The following PLCH1 variants were observed in gnomAD, a reference collection of about 807,000 sequenced individuals.
The protein encoded by PLCH1 is 1-phosphatidylinositol 4,5-bisphosphate phosphodiesterase eta-1.
A neutral mutation model predicts 126.7 loss-of-function variants in PLCH1; 60 were observed. That is an observed-to-expected ratio of 0.47 (90% confidence interval 0.38 to 0.59). The LOEUF is 0.59. Among genes scored for constraint, PLCH1 ranks in the 20% least tolerant of loss-of-function variants. The pLI, the probability that PLCH1 is intolerant of heterozygous loss-of-function variation, is 0.00. For synonymous variants in PLCH1, 719 were observed against 734.9 expected, an observed-to-expected ratio of 0.98 and a Z score of 0.35; for missense variants, 1,723 against 2,040.0, an observed-to-expected ratio of 0.84 and a Z score of 2.99.
At chr3:155,655,554 G>C (rs1741261500) in intron 2 of PLCH1, among the ~76,000 whole-genome samples, 1 of 152,174 alleles carries the variant, frequency 6.6e-6, no homozygotes, top group Non-Finnish European at 1.5e-5. Flanking sequence ...AACAGCAGCT[G>C]CCTGAATCCA....
At chr3:155,522,966 G>C (rs1224600459) in intron 11 of PLCH1, among the ~76,000 whole-genome samples, 4 of 149,776 alleles carry the variant, frequency 2.7e-5, no homozygotes, top group Admixed American at 6.6e-5. Flanking sequence ...TTTTTTGCGG[G>C]GGGGGTGGGG....
At chr3:155,546,151 C>A (rs1279308095) in intron 10 of PLCH1, among the ~76,000 whole-genome samples, 1 of 152,114 alleles carries the variant, frequency 6.6e-6, no homozygotes, top group Non-Finnish European at 1.5e-5. Context: ...ATTGTCTCAG[C>A]CCAAAATCTC....
Position 155,482,327 on chromosome 3 carries a change from A to C in PLCH1, c.3699T>G (p.Gly1233=). Residue 1233 remains glycine (G), a synonymous_variant, in exon 23 of 23, where the codon GGT becomes GGG. Coordinates refer to ENST00000460012, the MANE Select transcript of PLCH1 (RefSeq NM_014996.4). The part of the protein sequence containing the change: ...SLGLKMPIKH[G]FCKGKSKSSF... ...AAGACTTGGATTTTCCCTTGCAAAAACCATGCTTGATGGGCATTTTTAGGC... is the reference window on the plus strand; with the variant it reads ...AAGACTTGGATTTTCCCTTGCAAAACCCATGCTTGATGGGCATTTTTAGGC... The C allele has an allele frequency of 6.2e-7, 1 of 1,614,096 alleles. No homozygotes were observed. The highest frequency in any genetic ancestry group is 8.5e-7 in the Non-Finnish European group (1 of 1,180,016).
intron 11 of PLCH1, among the ~76,000 whole-genome samples, chr3:155,522,631 G>T (rs1460620175): frequency 6.6e-6 from 1 of 151,890 alleles, no homozygotes; most frequent in Non-Finnish European, 1.5e-5. Context: ...TTATCTGAGA[G>T]TGGACTGTTG....
chr3:155,641,750 AT>A (rs1292615043), intron 2 of PLCH1, among the ~76,000 whole-genome samples: 2 of 152,002 alleles, frequency 1.3e-5, no homozygotes, highest in South Asian at 2.1e-4. Flanking sequence ...AAAATTTTTA[AT>A]TTTTTTTAAA....
chr3:155,625,106 G>C (rs112881496), intron 2 of PLCH1, among the ~76,000 whole-genome samples: 1 of 152,260 alleles, frequency 6.6e-6, no homozygotes, highest in East Asian at 1.9e-4. Context: ...ACAACCATCT[G>C]ATCTTTGACA....
chr3:155,593,855 A>G, intron 4 of PLCH1, 86 bp downstream of exon 4: 1 of 1,353,492 alleles, frequency 7.4e-7, no homozygotes. Flanking sequence ...AAAAATTAAA[A>G]CATAGTCTAA....
rs752223218 is a variant in PLCH1, at chr3:155,485,402, A to G, written c.2928T>C (p.Pro976=). 6.2e-7 allele frequency: 1 copy of G among 1,609,408 alleles called. No homozygotes were observed. Among genetic ancestry groups the G allele is most frequent in the Non-Finnish European group, 8.5e-7 (1 of 1,175,902 alleles). Reference sequence around the variant, plus strand: ...CAATGTCTTTTGCTGTTTCAGATACAGGCAGCGACAAAGCTCCCAGAAGGT... The same window carrying G: ...CAATGTCTTTTGCTGTTTCAGATACGGGCAGCGACAAAGCTCCCAGAAGGT... ...DRNLLGALSL[P]VSETAKDIEG... is the part of the protein sequence containing the mutation. The change falls in exon 22 of 23, where the codon CCT becomes CCC. Residue 976 remains proline (P), a synonymous_variant. Coordinates refer to ENST00000460012, the MANE Select transcript of PLCH1 (RefSeq NM_014996.4).
At chr3:155,510,806 A>C (rs1719343107) in intron 12 of PLCH1, among the ~76,000 whole-genome samples, 1 of 100,388 alleles carries the variant, frequency 1.0e-5, no homozygotes, top group Non-Finnish European at 1.8e-5. Flanking sequence ...CTTCATTTCA[A>C]CTTTGGTGAA....
At chr3:155,744,648 G>A (rs1005384267) in intron 1 of PLCH1, among the ~76,000 whole-genome samples, 192 bp downstream of exon 1, 1 of 152,154 alleles carries the variant, frequency 6.6e-6, no homozygotes, top group African/African-American at 2.4e-5. Flanking sequence ...GCCGTGGCCA[G>A]TTCCCCGCAC....
chr3:155,739,334 A>G (rs1322087061), intron 1 of PLCH1, among the ~76,000 whole-genome samples: 1 of 152,256 alleles, frequency 6.6e-6, no homozygotes, highest in Non-Finnish European at 1.5e-5. Flanking sequence ...GTCAGAAAGC[A>G]CACATTAAAA....
chr3:155,539,961 A>T (rs1307667160), intron 10 of PLCH1, among the ~76,000 whole-genome samples: 2 of 152,208 alleles, frequency 1.3e-5, no homozygotes, highest in Admixed American at 1.3e-4. Flanking sequence ...ACAAATTTGG[A>T]CGCATAACAT....
intron 1 of PLCH1, among the ~76,000 whole-genome samples, chr3:155,734,077 G>T (rs751353256): frequency 2.0e-5 from 3 of 151,210 alleles, no homozygotes; most frequent in African/African-American, 7.3e-5. Context: ...AAGACAAAAA[G>T]TAAGTGCTGG....
rs1474663153 is a variant in PLCH1, at chr3:155,500,722, C to T, written c.1777G>A (p.Glu593Lys). Residue 593 changes from glutamate to lysine, a missense_variant, in exon 14 of 23, where the codon GAG (glutamate) becomes AAG (lysine). Physicochemically the swap from Glu to Lys is moderately conservative, Grantham distance 56 (BLOSUM62 1). Transcript: ENST00000460012. ...TCTTACCTGTACAGCTGGCCACCCT[C>T]CTTGCCAGTACTCTGCTGTGTGTCT... ...EEDTQQSTGKEGGQLYRLGRR... is the reference protein window; with the variant it reads ...EEDTQQSTGKKGGQLYRLGRR... 1 of 1,611,946 alleles carries T rather than the reference C, an allele frequency of 6.2e-7. No homozygotes were observed. Among genetic ancestry groups the T allele is most frequent in the Non-Finnish European group, 8.5e-7 (1 of 1,178,168 alleles).
At chr3:155,502,315 T>C (rs1346633058) in intron 13 of PLCH1, among the ~76,000 whole-genome samples, 2 of 152,222 alleles carry the variant, frequency 1.3e-5, no homozygotes, top group Non-Finnish European at 2.9e-5. Context: ...AGAAAGTCAT[T>C]CTGTAATCTA....
intron 14 of PLCH1, among the ~76,000 whole-genome samples, chr3:155,500,207 A>G (rs1448754780): frequency 2.6e-5 from 4 of 152,228 alleles, no homozygotes; most frequent in South Asian, 2.1e-4. Flanking sequence ...CTTTTTTTGA[A>G]TACTTATTTA....
At chr3:155,576,221 G>C (rs894857006) in intron 6 of PLCH1, among the ~76,000 whole-genome samples, 1 of 152,044 alleles carries the variant, frequency 6.6e-6, no homozygotes, top group African/African-American at 2.4e-5. Context: ...GGGGTGGGTG[G>C]GGAATGAAAC....
intron 2 of PLCH1, among the ~76,000 whole-genome samples, chr3:155,606,067 G>T (rs1171901390): frequency 6.6e-6 from 1 of 152,030 alleles, no homozygotes; most frequent in Non-Finnish European, 1.5e-5. Flanking sequence ...TAAGAAAAAA[G>T]AGCTCTAGAA....
At chr3:155,466,553 T>A (rs1312951843) in intron 21 of PLCH1, among the ~76,000 whole-genome samples, 1 of 152,118 alleles carries the variant, frequency 6.6e-6, no homozygotes, top group African/African-American at 2.4e-5. Context: ...AAGACTGCAA[T>A]AAATACCTGA....
Sources: allele counts gnomAD v4.1 joint callset (sites outside exome capture counted in the v4.1 genomes callset), GRCh38; gene constraint gnomAD v4.1.1; transcripts MANE v1.5; gene names NCBI Gene and HGNC (gene_info 2026-07-23, HGNC 2026-07-21).